The following ELOVL6 variants were observed in gnomAD, a reference collection of about 807,000 sequenced individuals.
ELOVL6 encodes ELOVL fatty acid elongase 6, also known as very long chain fatty acid elongase 6.
ELOVL6 carries 8 observed loss-of-function variants against 31.7 expected under a neutral mutation model. The ratio of observed to expected loss-of-function variants is 0.25; its 90% confidence interval spans 0.15 to 0.45. The LOEUF is 0.45. Ranked by LOEUF, ELOVL6 falls within the 20% of genes least tolerant of loss-of-function variation. The pLI is 1.00. For missense variants in ELOVL6, 126 were observed against 326.4 expected, an observed-to-expected ratio of 0.39 and a Z score of 4.73; for synonymous variants, 101 against 117.7, an observed-to-expected ratio of 0.86 and a Z score of 0.92.
intron 1 of ELOVL6, among the ~76,000 whole-genome samples, chr4:110,127,418 A>AAAAAAAAAAAAAAAG (rs1757535963): frequency 6.6e-6 from 1 of 150,862 alleles, no homozygotes; most frequent in East Asian, 2.0e-4. Flanking sequence ...AAAAAAAAAA[A>AAAAAAAAAAAAAAAG]AAAAAAAGAA....
intron 1 of ELOVL6, among the ~76,000 whole-genome samples, chr4:110,127,023 G>C (rs978283273): frequency 3.3e-5 from 5 of 151,778 alleles, no homozygotes; most frequent in African/African-American, 1.2e-4. Context: ...ACTTTGAAAA[G>C]AGAGGAAAAG....
chr4:110,142,801 G>A (rs1468788544), intron 1 of ELOVL6, among the ~76,000 whole-genome samples: 1 of 152,134 alleles, frequency 6.6e-6, no homozygotes, highest in Non-Finnish European at 1.5e-5. Flanking sequence ...ATTTTTTCTA[G>A]TTATCACAGT....
intron 1 of ELOVL6, among the ~76,000 whole-genome samples, chr4:110,178,938 C>T (rs1372927454): frequency 6.6e-5 from 10 of 152,096 alleles, no homozygotes; most frequent in African/African-American, 2.4e-4. Context: ...ACTTGTGTTT[C>T]TTAAATTTTC....
chr4:110,095,561 T>G (rs189840704), intron 2 of ELOVL6, among the ~76,000 whole-genome samples: 1 of 151,726 alleles, frequency 6.6e-6, no homozygotes, highest in Non-Finnish European at 1.5e-5. Flanking sequence ...ATATACCATG[T>G]TGGCTTGGAT....
chr4:110,129,178 T>C (rs530270335), intron 1 of ELOVL6, among the ~76,000 whole-genome samples: 1 of 152,350 alleles, frequency 6.6e-6, no homozygotes, highest in South Asian at 2.1e-4. Flanking sequence ...GAAAAATTAA[T>C]AATTATTTTT....
chr4:110,096,711 A>G (rs962054646), intron 2 of ELOVL6, among the ~76,000 whole-genome samples: 3 of 152,176 alleles, frequency 2.0e-5, no homozygotes, highest in Non-Finnish European at 2.9e-5. Context: ...TATAAAGGGT[A>G]ACGGGATTTG....
intron 2 of ELOVL6, among the ~76,000 whole-genome samples, chr4:110,101,077 T>C (rs1756727268): frequency 6.6e-6 from 1 of 152,234 alleles, no homozygotes; most frequent in Non-Finnish European, 1.5e-5. Context: ...TCTTGCTCTG[T>C]AGTCCAGGCT....
chr4:110,084,188 T>TATATGTAATATATGATATATATAAC (rs1560814428), intron 2 of ELOVL6, among the ~76,000 whole-genome samples: 1 of 78,012 alleles, frequency 1.3e-5, no homozygotes, highest in Non-Finnish European at 2.3e-5. Context: ...ATATATAACA[T>TATATGTAATATATGATATATATAAC]ATAACTTATA....
chr4:110,124,128 T>G (rs1022441796), intron 1 of ELOVL6, among the ~76,000 whole-genome samples: 2 of 152,186 alleles, frequency 1.3e-5, no homozygotes, highest in African/African-American at 4.8e-5. Context: ...GAGAAGAATT[T>G]ATTTAATCTT....
intron 1 of ELOVL6, among the ~76,000 whole-genome samples, chr4:110,178,154 A>G (rs1202258002): frequency 6.6e-6 from 1 of 152,220 alleles, no homozygotes; most frequent in East Asian, 1.9e-4. Context: ...AGTTTGGTGC[A>G]GGAAGTATTT....
chr4:110,140,825 T>C (rs948031603), intron 1 of ELOVL6, among the ~76,000 whole-genome samples: 1 of 151,752 alleles, frequency 6.6e-6, no homozygotes, highest in African/African-American at 2.4e-5. Flanking sequence ...TTTAGCAAAA[T>C]CTAAATAATA....
chr4:110,079,957 A>G (rs1755780274), intron 2 of ELOVL6, among the ~76,000 whole-genome samples: 1 of 152,218 alleles, frequency 6.6e-6, no homozygotes, highest in Admixed American at 6.5e-5. Context: ...AGAATGCTAT[A>G]AACACCTCCA....
intron 1 of ELOVL6, among the ~76,000 whole-genome samples, chr4:110,169,998 GTTTACCATGT>G (rs1758897148): frequency 1.3e-5 from 2 of 151,132 alleles, no homozygotes; most frequent in African/African-American, 4.9e-5. Flanking sequence ...AGAGATGGGG[GTTTACCATGT>G]TTTACCATGT....
At chr4:110,071,232 T>C (rs1228247901) in intron 2 of ELOVL6, among the ~76,000 whole-genome samples, 1 of 152,230 alleles carries the variant, frequency 6.6e-6, no homozygotes, top group African/African-American at 2.4e-5. Context: ...ATTCCATCTT[T>C]ACAATCTTTT....
rs1027635980 is a variant in ELOVL6 at position 110,061,537 on chromosome 4, A to G, written c.222-1783T>C. ...TTTTTTTGTGTACTGTCTTTCCCTC[A>G]CCAAATGATGGCTTTTTTTTTTTTT... On this transcript the variant is annotated intron_variant, in intron 2 of 3. Transcript: ENST00000302274. Among the ~76,000 whole-genome samples, 4 of 102,896 alleles carry G rather than the reference A, an allele frequency of 3.9e-5. No homozygotes were observed. The East Asian group carries it at 1.1e-3, about 30-fold the overall frequency. The allele number at this position is 102,896 out of a possible 152,430, so 67.5% of individuals were successfully genotyped here.
At chr4:110,137,121 T>C (rs2126259651) in intron 1 of ELOVL6, among the ~76,000 whole-genome samples, 1 of 152,324 alleles carries the variant, frequency 6.6e-6, no homozygotes, top group African/African-American at 2.4e-5. Flanking sequence ...TTGGTTTCCT[T>C]AGAAACCTGG....
At chr4:110,198,859 T>A (rs1759906337), upstream of ELOVL6, 1 of 152,626 alleles carries the variant, frequency 6.6e-6, no homozygotes, top group African/African-American at 2.4e-5. Flanking sequence ...GCCGCCTTGC[T>A]TTGAATGAAG....
At chr4:110,066,827 C>T (rs1234515211) in intron 2 of ELOVL6, among the ~76,000 whole-genome samples, 1 of 151,946 alleles carries the variant, frequency 6.6e-6, no homozygotes, top group African/African-American at 2.4e-5. Flanking sequence ...TATACATGTG[C>T]CATGGTGGTT....
chr4:110,067,111 T>G (rs1427098850), intron 2 of ELOVL6, among the ~76,000 whole-genome samples: 1 of 151,638 alleles, frequency 6.6e-6, no homozygotes, highest in Non-Finnish European at 1.5e-5. Flanking sequence ...AATAAATGTC[T>G]AAGCAGTTAA....
Sources: gnomAD v4.1 joint callset for allele counts (sites outside exome capture counted in the v4.1 genomes callset) on GRCh38, gnomAD v4.1.1 for gene constraint, MANE v1.5 for transcripts, NCBI Gene and HGNC (gene_info 2026-07-23, HGNC 2026-07-21) for gene names.